XYLB: variants seen among roughly 807,000 people sequenced by gnomAD.
XYLB encodes the protein xylulose kinase.
A neutral mutation model predicts 78.7 loss-of-function variants in XYLB; 62 were observed. The ratio of observed to expected loss-of-function variants is 0.79; its 90% CI spans 0.64 to 0.97. XYLB has a LOEUF of 0.97. Among genes scored for constraint, XYLB ranks in the 50% least tolerant of loss-of-function variants. XYLB has a pLI of 0.00. For missense variants in XYLB, 687 were observed against 676.8 expected (o/e 1.02, Z -0.17); for synonymous variants, 245 against 247.4 (o/e 0.99, Z 0.09).
rs1283586942 is a variant in XYLB at position 38,365,823 on chromosome 3, A to C, written c.507+87A>C. The C allele has an allele frequency of 2.7e-6, 4 of 1,476,148 alleles. No homozygotes were observed. The African/African-American group carries it at 4.2e-5, about 15-fold the overall frequency. The allele number at this position is 1,476,148 out of a possible 1,614,324, so 91.4% of individuals were successfully genotyped here. On this transcript the variant is annotated intron_variant, in intron 6 of 18. Coordinates refer to ENST00000207870, the MANE Select transcript of XYLB (RefSeq NM_005108.4). ...GGTGACCTGCCTCTGGGGGGATCAC[A>C]TGAGGTCATGGAGGTGTTGTGGAGC...
chr3:38,353,901 AAG>A, intron 2 of XYLB, among the ~76,000 whole-genome samples: 1 of 150,506 alleles, frequency 6.6e-6, no homozygotes, highest in Non-Finnish European at 1.5e-5. Flanking sequence ...AAAAAAAAAA[AAG>A]AAGTCCATCT....
At chr3:38,353,754 G>A (rs543055951) in intron 2 of XYLB, among the ~76,000 whole-genome samples, 45 of 152,068 alleles carry the variant, frequency 3.0e-4, no homozygotes, top group African/African-American at 1.1e-3. Flanking sequence ...GAGCATGGTG[G>A]TGGGTGCCTG....
At chr3:38,361,402 T>C (rs1206229193) in intron 3 of XYLB, among the ~76,000 whole-genome samples, 1 of 151,076 alleles carries the variant, frequency 6.6e-6, no homozygotes, top group East Asian at 1.9e-4. Context: ...CAATTCCCTA[T>C]ATTACATTCT....
At chr3:38,405,943 A>C (rs1055690907) in intron 18 of XYLB, among the ~76,000 whole-genome samples, 4 of 152,186 alleles carry the variant, frequency 2.6e-5, no homozygotes, top group African/African-American at 9.6e-5. Context: ...TGTAGGCTCC[A>C]CCTCTGGGGG....
At chr3:38,405,706 T>TA (rs1206797214) in intron 18 of XYLB, among the ~76,000 whole-genome samples, 4 of 152,336 alleles carry the variant, frequency 2.6e-5, no homozygotes, top group African/African-American at 9.6e-5. Flanking sequence ...CCGACAGGCT[T>TA]AAAAAACGGC....
the XYLB span, among the ~76,000 whole-genome samples, chr3:38,435,047 A>G: frequency 0.49 from 73,682 of 151,904 alleles, 19,953 homozygotes; most frequent in Non-Finnish European, 0.61. Context: ...TGAGGCTGAG[A>G]ATCACTTGAA....
chr3:38,431,938 T>A, the XYLB span, among the ~76,000 whole-genome samples: 1 of 152,138 alleles, frequency 6.6e-6, no homozygotes, highest in East Asian at 1.9e-4. Flanking sequence ...ACATGAGGAT[T>A]GTTATAATTC....
At position 38,360,348 on chromosome 3, in the gene XYLB, T is replaced by C. The variant is rs818850; in HGVS notation, c.150T>C (p.Gly50=). ...TCTGTTGTTCTTGCAGGACTCAGGG[T>C]GGTGTTCATGTGCACAAGGATGGGC... The part of the protein sequence containing the change: ...DRDLPEFGTQ[G]GVHVHKDGLT... Residue 50 remains glycine, a synonymous_variant, in exon 3 of 19, where the codon GGT becomes GGC. Coordinates refer to ENST00000207870, the MANE Select transcript of XYLB (RefSeq NM_005108.4). 1,602,789 of 1,613,990 alleles carry C rather than the reference T, an allele frequency of 0.99. 796,256 individuals are homozygous for C. The highest frequency in any genetic ancestry group is 1 in the East Asian group (44,858 of 44,858).
chr3:38,365,361 A>T, intron 5 of XYLB, 76 bp downstream of exon 5: 1 of 1,509,544 alleles, frequency 6.6e-7, no homozygotes, highest in Admixed American at 1.7e-5. Context: ...AAGCCTGCTC[A>T]TCTCAGTGTT....
In XYLB at chr3:38,372,877, TC is replaced by T. The variant is rs1575485268; in HGVS notation, c.847+143del. ...CCACCCATGCTGGATGTTTGAGAAT[TC>T]CAGTCCAGCCTCTTGGTGAAGCCTT... On this transcript the variant is annotated intron_variant, in intron 10 of 18. Transcript: ENST00000207870. The T allele has an allele frequency of 3.2e-6, 3 of 931,730 alleles. No individual in the cohort carries two copies. The East Asian group carries it at 8.0e-5, about 25-fold the overall frequency. 57.7% of individuals were successfully genotyped at this position (931,730 alleles called of 1,614,324 possible).
chr3:38,373,434 T>C (rs1328765006), intron 10 of XYLB, among the ~76,000 whole-genome samples: 2 of 152,274 alleles, frequency 1.3e-5, no homozygotes, highest in Non-Finnish European at 2.9e-5. Context: ...GATTAATTTC[T>C]GTCCTTTCAG....
chr3:38,389,639 G>A (rs1460899022), intron 15 of XYLB, among the ~76,000 whole-genome samples: 2 of 152,144 alleles, frequency 1.3e-5, no homozygotes, highest in Non-Finnish European at 2.9e-5. Context: ...TTAATCAGGG[G>A]TTGGATCAGT....
rs527820497 is a variant in XYLB, at chr3:38,360,482, G to C, written c.210+74G>C. The stretch of plus-strand genomic sequence containing the variant: ...GGCAGACTCGGTGATTTGCTAGGAA[G>C]TCCAAAGGTGGCAGCCAATGAGAGC... On this transcript the variant is annotated intron_variant, in intron 3 of 18. Transcript: ENST00000207870. 171 of 1,379,316 alleles carry C rather than the reference G, an allele frequency of 1.2e-4. 1 individual carries two copies. In the South Asian group the frequency reaches 2.2e-3, roughly 18 times the overall value. The allele number at this position is 1,379,316 out of a possible 1,614,324, so 85.4% of individuals were successfully genotyped here. A position where few individuals can be genotyped will look rare whatever the true frequency, so the allele number is the denominator to read the frequency against.
At chr3:38,398,740 T>G (rs941000307) in intron 17 of XYLB, among the ~76,000 whole-genome samples, 11 of 150,764 alleles carry the variant, frequency 7.3e-5, no homozygotes, top group African/African-American at 2.7e-4. Context: ...TTCCTGACAT[T>G]TCGGTTGGGT....
rs1344275565 is a variant in XYLB at position 38,362,941 on chromosome 3, T to C, written c.215T>C (p.Leu72Pro). 2 of 1,576,238 alleles carry C rather than the reference T, an allele frequency of 1.3e-6. No individual in the cohort carries two copies. The highest frequency in any genetic ancestry group is 2.3e-5 in the South Asian group (2 of 85,858). The change falls in exon 4 of 19, where the codon CTG becomes CCG. Residue 72 changes from leucine (L) to proline (P), a missense_variant. Physicochemically the swap from Leu to Pro is moderately conservative, Grantham distance 98. Transcript: ENST00000207870. ...GGGTTCTGTTTTTCTTCTTAGGCAC[T>C]GGATATCATCTTGGAGAAGATGAAG... ...TSPVLMWVQALDIILEKMKAS... is the reference protein window; with the variant it reads ...TSPVLMWVQAPDIILEKMKAS...
In XYLB at chr3:38,357,338, G is replaced by A. The variant is rs1196504256; in HGVS notation, c.141-3001G>A. ...TGCCAAACTGTTTTCCAAAGTGGCT[G>A]TACTATTTTCCATTCCCACCAGTGG... On this transcript the variant is annotated intron_variant, in intron 2 of 18. Coordinates refer to ENST00000207870, the MANE Select transcript of XYLB (RefSeq NM_005108.4). Among the ~76,000 whole-genome samples the A allele has an allele frequency of 2.6e-5, 4 of 151,764 alleles. No individual in the cohort carries two copies. In the South Asian group the frequency reaches 6.2e-4, roughly 24 times the overall value.
intron 15 of XYLB, among the ~76,000 whole-genome samples, chr3:38,384,686 CCTTTCCTT>C (rs71085319): frequency 0.33 from 50,637 of 151,962 alleles, 9,895 homozygotes; most frequent in Non-Finnish European, 0.44. Flanking sequence ...CTCCCAGACT[CCTTTCCTT>C]CTTTCCAGAC....
rs2268752 is a variant in XYLB at position 38,384,126 on chromosome 3, G to A, written c.1291+4784G>A. ...CTGTTGCCCAGACTGGAGTGCAGTG[G>A]TGTGATCTTGGCTCACTACAACCTC... On this transcript the variant is annotated intron_variant, in intron 15 of 18. Transcript: ENST00000207870. Among the ~76,000 whole-genome samples, 1,774 of 152,232 alleles carry A rather than the reference G, an allele frequency of 0.012. 148 individuals are homozygous for A. In the East Asian group the frequency reaches 0.21, roughly 18 times the overall value.
intron 12 of XYLB, among the ~76,000 whole-genome samples, chr3:38,375,575 A>T (rs1706809250): frequency 6.6e-6 from 1 of 152,056 alleles, no homozygotes; most frequent in Admixed American, 6.6e-5. Flanking sequence ...TGAGATGGGG[A>T]GGGTAAGAGC....
Sources: gnomAD v4.1 joint callset for allele counts (sites outside exome capture counted in the v4.1 genomes callset) on GRCh38, gnomAD v4.1.1 for gene constraint, MANE v1.5 for transcripts, NCBI Gene and HGNC (gene_info 2026-07-23, HGNC 2026-07-21) for gene names.